The following C3orf38 variants were observed in gnomAD, a reference collection of about 807,000 sequenced individuals.
C3orf38 encodes chromosome 3 open reading frame 38, also known as uncharacterized protein C3orf38.
In C3orf38, 18 loss-of-function variants were observed where a neutral mutation model predicts 28.3. The observed-to-expected ratio is 0.64, with a 90% CI of 0.44 to 0.94. C3orf38 has a LOEUF of 0.94. C3orf38 is among the 40% of genes least tolerant of loss of function. The probability of loss-of-function intolerance (pLI) is 0.00; values close to 1 mark genes in which losing one functional copy is unlikely to be tolerated. For synonymous variants in C3orf38, 145 were observed against 138.1 expected, an observed-to-expected ratio of 1.05 and a Z score of -0.35; for missense variants, 364 against 396.4, an observed-to-expected ratio of 0.92 and a Z score of 0.69.
In C3orf38 at chr3:88,157,416, A is replaced by G. The variant is rs76582253; in HGVS notation, c.*781A>G. 5.9e-5 allele frequency: 9 copies of G among 152,198 alleles called. No homozygotes were observed. Among genetic ancestry groups the G allele is most frequent in the Admixed American group, 5.9e-4 (9 of 15,276 alleles). The allele number at this position is 152,198 out of a possible 1,614,324, so 9.4% of individuals were successfully genotyped here. On this transcript the variant is annotated 3_prime_UTR_variant, in exon 3 of 3. Coordinates refer to ENST00000318887, the MANE Select transcript of C3orf38 (RefSeq NM_173824.4). ...TATAGAGCAGTTACTGTAATACAAT[A>G]TAAAGGAAATATGCTGTTGAAATTT...
chr3:88,152,974 A>G (rs1185691237), intron 1 of C3orf38, among the ~76,000 whole-genome samples: 1 of 152,170 alleles, frequency 6.6e-6, no homozygotes, highest in Non-Finnish European at 1.5e-5. Context: ...TAATTCTTTA[A>G]GAGGAAATGC....
chr3:88,150,553 G>T (rs1576368313), intron 1 of C3orf38: 1 of 163,642 alleles, frequency 6.1e-6, no homozygotes, highest in East Asian at 1.8e-4. Flanking sequence ...AGTGGGAGGA[G>T]GATGGCAAAC....
At chr3:88,154,316 G>A (rs1166504155) in intron 2 of C3orf38, among the ~76,000 whole-genome samples, 4 of 151,922 alleles carry the variant, frequency 2.6e-5, no homozygotes, top group Non-Finnish European at 5.9e-5. Context: ...AGCCCAGCAT[G>A]CGTTAGCTAT....
At chr3:88,150,343 G>T (rs1274324962) in intron 1 of C3orf38, among the ~76,000 whole-genome samples, 158 bp downstream of exon 1, 2 of 152,216 alleles carry the variant, frequency 1.3e-5, no homozygotes, top group Non-Finnish European at 2.9e-5. Flanking sequence ...GCGGGGAGGT[G>T]GTGGCGGTGA....
chr3:88,154,375 C>CT (rs35471442), intron 2 of C3orf38, among the ~76,000 whole-genome samples: 108,620 of 145,894 alleles, frequency 0.74, 42,125 homozygotes, highest in South Asian at 0.91. Context: ...ATTTTTTATA[C>CT]TTTTTTTTTT....
intron 2 of C3orf38, among the ~76,000 whole-genome samples, chr3:88,155,688 A>G (rs573203208): frequency 3.6e-4 from 55 of 151,862 alleles, no homozygotes; most frequent in African/African-American, 1.3e-3. Context: ...CAAACTCCTG[A>G]CCTCACCATC....
chr3:88,155,827 T>C (rs1707472178), intron 2 of C3orf38, among the ~76,000 whole-genome samples, 194 bp from the exon 3 acceptor site: 1 of 152,194 alleles, frequency 6.6e-6, no homozygotes, highest in East Asian at 1.9e-4. Flanking sequence ...CAATTTAAGC[T>C]GGAAATTTCT....
At chr3:88,153,561 T>G in intron 2 of C3orf38, 90 bp downstream of exon 2, 1 of 1,432,916 alleles carries the variant, frequency 7.0e-7, no homozygotes, top group South Asian at 1.3e-5. Flanking sequence ...TGGTTAATAA[T>G]GTTTGTGGGG....
intron 1 of C3orf38, among the ~76,000 whole-genome samples, chr3:88,152,647 T>A (rs1707430337): frequency 6.7e-6 from 1 of 150,096 alleles, no homozygotes; most frequent in African/African-American, 2.5e-5. Flanking sequence ...CCCAGCTACC[T>A]GGGAGGCTGA....
At chr3:88,153,102 G>A in intron 1 of C3orf38, 128 bp from the exon 2 acceptor site, 1 of 863,942 alleles carries the variant, frequency 1.2e-6, no homozygotes, top group South Asian at 2.0e-5. Flanking sequence ...TAAAAATGAT[G>A]ACTATCATGT....
Position 88,156,252 on chromosome 3 carries a change from C to T in C3orf38, c.607C>T (p.Leu203=). The change falls in exon 3 of 3, where the codon CTG becomes TTG. Residue 203 remains leucine (L), a synonymous_variant. Transcript: ENST00000318887. ...AGCAGAAATCGTGAGCCTTCGTTTG[C>T]TGTCACTAGTAAAAGAAGAATTTCT... The part of the protein sequence containing the change: ...HGAEIVSLRL[L]SLVKEEFLFL... The T allele has an allele frequency of 6.2e-7, 1 of 1,614,146 alleles. No individual in the cohort carries two copies. Among genetic ancestry groups the T allele is most frequent in the Non-Finnish European group, 8.5e-7 (1 of 1,180,026 alleles).
Position 88,153,623 on chromosome 3 carries a change from G to A in C3orf38, c.375+152G>A, listed in dbSNP as rs757912720. The A allele has an allele frequency of 8.5e-5, 79 of 925,300 alleles. No individual in the cohort carries two copies. The Middle Eastern group carries it at 1.4e-3, about 16-fold the overall frequency. 57.3% of individuals were successfully genotyped at this position (925,300 alleles called of 1,614,324 possible). ...TTCTTGCTCTGTTGCCCAGGCTGGA[G>A]TGCAGTGGTGTAATCATAGCTCACT... On this transcript the variant is annotated intron_variant, in intron 2 of 2. Transcript: ENST00000318887.
chr3:88,156,039 A>C lies in C3orf38; in HGVS notation c.394A>C (p.Lys132Gln), dbSNP rs141688799. 4.3e-5 allele frequency: 67 copies of C among 1,541,978 alleles called. No homozygotes were observed. Among genetic ancestry groups the C allele is most frequent in the Non-Finnish European group, 5.5e-5 (63 of 1,147,816 alleles). The part of the protein sequence containing the change: ...LFQQQVKEDK[K>Q]AEKVDFRRLG... Reference sequence around the variant, plus strand: ...CAATCAGCAGGTGAAAGAAGATAAAAAAGCTGAAAAAGTTGATTTTCGTCG... The same window carrying C: ...CAATCAGCAGGTGAAAGAAGATAAACAAGCTGAAAAAGTTGATTTTCGTCG... The change falls in exon 3 of 3, where the codon AAA (lysine) becomes CAA (glutamine). Residue 132 changes from lysine to glutamine, a missense_variant. By Grantham distance (53) the Lys-to-Gln change is moderately conservative (BLOSUM62 1). Transcript: ENST00000318887.
chr3:88,152,438 A>T (rs1707426468), intron 1 of C3orf38, among the ~76,000 whole-genome samples: 1 of 151,230 alleles, frequency 6.6e-6, no homozygotes, highest in African/African-American at 2.4e-5. Context: ...ATATATAAAG[A>T]TACAAGCCCT....
rs926130295 is a variant in C3orf38 at position 88,156,942 on chromosome 3, C to T, written c.*307C>T. 9.1e-5 allele frequency: 23 copies of T among 253,298 alleles called. No homozygotes were observed. The Admixed American group carries it at 1.0e-3, about 11-fold the overall frequency. The allele number at this position is 253,298 out of a possible 1,614,324, so 15.7% of individuals were successfully genotyped here. On this transcript the variant is annotated 3_prime_UTR_variant, in exon 3 of 3. Coordinates refer to ENST00000318887, the MANE Select transcript of C3orf38 (RefSeq NM_173824.4). ...TACAGCTAACTGTGTGCCTTAGAAACCAGGTAATATTTTCCTTTTACTTAG... is the reference window on the plus strand; with the variant it reads ...TACAGCTAACTGTGTGCCTTAGAAATCAGGTAATATTTTCCTTTTACTTAG...
Position 88,157,390 on chromosome 3 carries a change from T to C in C3orf38, c.*755T>C, listed in dbSNP as rs557328228. The C allele has an allele frequency of 6.6e-6, 1 of 152,332 alleles. No homozygotes were observed. The highest frequency in any genetic ancestry group is 6.5e-5 in the Admixed American group (1 of 15,306). The allele number at this position is 152,332 out of a possible 1,614,324, so 9.4% of individuals were successfully genotyped here. Reference sequence around the variant, plus strand: ...CTTACCTAGGCTTCAGACAACAGTTTTATAGAGCAGTTACTGTAATACAAT... The same window carrying C: ...CTTACCTAGGCTTCAGACAACAGTTCTATAGAGCAGTTACTGTAATACAAT... On this transcript the variant is annotated 3_prime_UTR_variant, in exon 3 of 3. Coordinates refer to ENST00000318887, the MANE Select transcript of C3orf38 (RefSeq NM_173824.4).
In C3orf38 at chr3:88,156,862, C is replaced by A; in HGVS notation, c.*227C>A. 1 of 442,224 alleles carries A rather than the reference C, an allele frequency of 2.3e-6. No individual in the cohort carries two copies. The highest frequency in any genetic ancestry group is 4.0e-6 in the Non-Finnish European group (1 of 253,074). The allele number at this position is 442,224 out of a possible 1,614,324, so 27.4% of individuals were successfully genotyped here. On this transcript the variant is annotated 3_prime_UTR_variant, in exon 3 of 3. Transcript: ENST00000318887. ...ATGTGAATACTTACCTATTTCTACC[C>A]GAGTTGCAGCAAGTATTCTGAAAGC...
intron 1 of C3orf38, among the ~76,000 whole-genome samples, chr3:88,152,538 G>A (rs1226978694): frequency 2.0e-5 from 3 of 151,864 alleles, no homozygotes; most frequent in East Asian, 1.9e-4. Flanking sequence ...CGAGGCGGGC[G>A]GATCATGAGG....
At chr3:88,152,491 G>A (rs1399757464) in intron 1 of C3orf38, among the ~76,000 whole-genome samples, 1 of 151,760 alleles carries the variant, frequency 6.6e-6, no homozygotes, top group African/African-American at 2.4e-5. Flanking sequence ...GGCCGGGCTT[G>A]GTGACTCACA....
Sources: allele counts gnomAD v4.1 joint callset (sites outside exome capture counted in the v4.1 genomes callset), GRCh38; gene constraint gnomAD v4.1.1; transcripts MANE v1.5; gene names NCBI Gene and HGNC (gene_info 2026-07-23, HGNC 2026-07-21).